The following AKAP9 variants were observed in gnomAD, a reference collection of about 807,000 sequenced individuals.
AKAP9 encodes A-kinase anchor protein 9.
In AKAP9, 311 loss-of-function variants were observed where a neutral mutation model predicts 488.5. The ratio of observed to expected loss-of-function variants is 0.64; its 90% CI spans 0.58 to 0.70. The LOEUF is 0.70. Among genes scored for constraint, AKAP9 ranks in the 30% least tolerant of loss-of-function variants. AKAP9 has a pLI of 0.00. For synonymous variants in AKAP9, 1,462 were observed against 1,483.5 expected, an observed-to-expected ratio of 0.99 and a Z score of 0.33; for missense variants, 4,215 against 4,374.5, an observed-to-expected ratio of 0.96 and a Z score of 1.03.
At chr7:92,103,592 G>A (rs1817991504) in intron 46 of AKAP9, among the ~76,000 whole-genome samples, 1 of 151,604 alleles carries the variant, frequency 6.6e-6, no homozygotes, top group African/African-American at 2.4e-5. Flanking sequence ...CTACTTGGGA[G>A]GCTGAGGCAG....
At position 92,079,948 on chromosome 7, in the gene AKAP9, C is replaced by G; in HGVS notation, c.7815C>G (p.Thr2605=). The G allele has an allele frequency of 1.3e-6, 2 of 1,598,828 alleles. No individual in the cohort carries two copies. The highest frequency in any genetic ancestry group is 1.7e-6 in the Non-Finnish European group (2 of 1,174,374). The change falls in exon 31 of 50, where the codon ACC becomes ACG. Residue 2605 remains threonine (T), a synonymous_variant. Coordinates refer to ENST00000356239, the MANE Select transcript of AKAP9 (RefSeq NM_005751.5). ...TGGGGTCAGATATATCAGCATTAAC[C>G]TTGAGAATATCAGAATTAGAAAGCC... ...DELGSDISAL[T]LRISELESQV...
intron 9 of AKAP9, among the ~76,000 whole-genome samples, chr7:92,013,281 G>A (rs532028565): frequency 2.6e-5 from 4 of 152,066 alleles, no homozygotes; most frequent in South Asian, 2.1e-4. Context: ...GTGAGCCACC[G>A]CGCCCGGCCG....
intron 1 of AKAP9, 72 bp downstream of exon 1, chr7:91,941,219 A>G: frequency 6.7e-7 from 1 of 1,485,366 alleles, no homozygotes; most frequent in Non-Finnish European, 9.4e-7. Flanking sequence ...GGGGCCTGGG[A>G]AGCGGAGTTC....
chr7:92,096,887 C>G lies in AKAP9; in HGVS notation c.9928C>G (p.Arg3310Gly), dbSNP rs779243745. 1.2e-6 allele frequency: 2 copies of G among 1,614,006 alleles called. No individual in the cohort carries two copies. Among genetic ancestry groups the G allele is most frequent in the Non-Finnish European group, 1.7e-6 (2 of 1,180,042 alleles). The change falls in exon 41 of 50, where the codon CGG (arginine) becomes GGG (glycine). Residue 3310 changes from arginine to glycine, a missense_variant. By Grantham distance (125) the Arg-to-Gly change is moderately radical. This residue lies in a region of AKAP9 where 1,476 missense variants were observed against 1,477.4 expected (regional missense o/e 1.00). Coordinates refer to ENST00000356239, the MANE Select transcript of AKAP9 (RefSeq NM_005751.5). ...TCTTGAATCTGAGAAAGTTCGAATTCGGGAAATGAGTAGTACCCTAGATAG... is the reference window on the plus strand; with the variant it reads ...TCTTGAATCTGAGAAAGTTCGAATTGGGGAAATGAGTAGTACCCTAGATAG... ...VLLESEKVRI[R>G]EMSSTLDRER... is the part of the protein sequence containing the mutation.
chr7:92,021,735 G>A (rs969827246), intron 12 of AKAP9, among the ~76,000 whole-genome samples: 6 of 152,048 alleles, frequency 3.9e-5, no homozygotes, highest in African/African-American at 9.7e-5. Context: ...CTTTTTAATA[G>A]TTAAGGAAAT....
At chr7:92,051,183 C>T (rs769969102) in intron 21 of AKAP9, among the ~76,000 whole-genome samples, 3 of 152,200 alleles carry the variant, frequency 2.0e-5, no homozygotes, top group Non-Finnish European at 4.4e-5. Context: ...CTCTCACCTA[C>T]CTCACCACTA....
At chr7:91,977,779 T>G (rs1795891962) in intron 2 of AKAP9, among the ~76,000 whole-genome samples, 1 of 152,218 alleles carries the variant, frequency 6.6e-6, no homozygotes, top group Non-Finnish European at 1.5e-5. Flanking sequence ...GTATATTATT[T>G]ATTTTTTAAT....
rs1424822602 is a variant in AKAP9, at chr7:92,095,024, T to C, written c.9580T>C (p.Leu3194=). ...AATTCATTTGTCTTTCTGACTTAGG[T>C]TGGAAGTTAAAGATAAGACAGATGA... ...KHLKELEAFR[L]EVKDKTDEVH... The change falls in exon 40 of 50, where the codon TTG becomes CTG. Residue 3194 remains leucine, a splice_region_variant and synonymous_variant. Coordinates refer to ENST00000356239, the MANE Select transcript of AKAP9 (RefSeq NM_005751.5). 1 of 1,613,754 alleles carries C rather than the reference T, an allele frequency of 6.2e-7. No individual in the cohort carries two copies. Among genetic ancestry groups the C allele is most frequent in the African/African-American group, 1.3e-5 (1 of 74,912 alleles).
intron 27 of AKAP9, 146 bp downstream of exon 27, chr7:92,070,352 T>C: frequency 1.1e-6 from 1 of 931,726 alleles, no homozygotes; most frequent in South Asian, 1.4e-5. Flanking sequence ...TTTCCAAATG[T>C]TGCTTGCATG....
At chr7:91,966,493 G>A (rs1164915579) in intron 1 of AKAP9, among the ~76,000 whole-genome samples, 1 of 152,172 alleles carries the variant, frequency 6.6e-6, no homozygotes, top group Non-Finnish European at 1.5e-5. Flanking sequence ...AATGTTCCAT[G>A]TGCTGAGGAA....
chr7:92,018,841 A>C (rs1300099296), intron 12 of AKAP9, among the ~76,000 whole-genome samples: 2 of 152,194 alleles, frequency 1.3e-5, no homozygotes, highest in African/African-American at 4.8e-5. Flanking sequence ...TGAGCTGCAG[A>C]GTCATATATC....
intron 2 of AKAP9, among the ~76,000 whole-genome samples, chr7:91,977,290 C>T (rs1302682062): frequency 2.0e-5 from 3 of 151,936 alleles, no homozygotes; most frequent in African/African-American, 2.4e-5. Context: ...GGCGCGGTGG[C>T]TCATGCCTGT....
At chr7:91,948,069 C>T (rs1160839583) in intron 1 of AKAP9, among the ~76,000 whole-genome samples, 1 of 152,184 alleles carries the variant, frequency 6.6e-6, no homozygotes, top group Non-Finnish European at 1.5e-5. Flanking sequence ...TGTCTGGCTT[C>T]TTTCACTTAG....
chr7:91,949,199 A>G (rs867307924), intron 1 of AKAP9, among the ~76,000 whole-genome samples: 1 of 152,098 alleles, frequency 6.6e-6, no homozygotes, highest in Middle Eastern at 3.2e-3. Flanking sequence ...GAGAGAGAGA[A>G]CGTGTGCACT....
rs373700817 is a variant in AKAP9 at position 91,956,379 on chromosome 7, AAC to A, written c.48+15234_48+15235del. Among the ~76,000 whole-genome samples, 1,016 of 145,436 alleles carry A rather than the reference AAC, an allele frequency of 7.0e-3. 14 individuals carry two copies. The highest frequency in any genetic ancestry group is 0.026 in the African/African-American group (982 of 38,052). On this transcript the variant is annotated intron_variant, in intron 1 of 49. Transcript: ENST00000356239. ...TGCACCACTGCACTCCAGCCTGGGC[AAC>A]AGAGTGAGACTCTGTCTCAAAAAAA...
chr7:91,943,399 C>T (rs1791042055), intron 1 of AKAP9, among the ~76,000 whole-genome samples: 1 of 152,138 alleles, frequency 6.6e-6, no homozygotes, highest in Non-Finnish European at 1.5e-5. Context: ...TAAACGTGTG[C>T]TTTCAGATTA....
chr7:91,989,543 A>C (rs1797515086), intron 3 of AKAP9, among the ~76,000 whole-genome samples: 1 of 152,106 alleles, frequency 6.6e-6, no homozygotes, highest in Admixed American at 6.5e-5. Context: ...CAAGACAAGT[A>C]GATAAATATA....
Position 92,102,166 on chromosome 7 carries a change from A to ATAAATAAAT in AKAP9, c.11098-428_11098-427insTAAATAAAT, listed in dbSNP as rs34819437. ...GTGAGACTCCGTCTCATAAATTTAAAAAAAAAATAAATAAATAAATAAATA... is the reference window on the plus strand; with the variant it reads ...GTGAGACTCCGTCTCATAAATTTAAATAAATAAATAAAAAAATAAATAAATAAATAAATA... On this transcript the variant is annotated intron_variant, in intron 45 of 49. Coordinates refer to ENST00000356239, the MANE Select transcript of AKAP9 (RefSeq NM_005751.5). 4.3e-5 allele frequency among the ~76,000 whole-genome samples: 5 copies of ATAAATAAAT among 116,806 alleles called. No individual in the cohort carries two copies. The South Asian group carries it at 1.2e-3, about 29-fold the overall frequency. 76.6% of individuals were successfully genotyped at this position (116,806 alleles called of 152,430 possible).
intron 3 of AKAP9, among the ~76,000 whole-genome samples, chr7:91,988,928 A>G (rs1797440018): frequency 6.6e-6 from 1 of 152,232 alleles, no homozygotes. Context: ...GGTGAAATAC[A>G]GTTATTTAAA....
Sources: allele counts gnomAD v4.1 joint callset (sites outside exome capture counted in the v4.1 genomes callset), GRCh38; gene constraint gnomAD v4.1.1; regional missense constraint gnomAD v4.1.1; transcripts MANE v1.5; gene names NCBI Gene and HGNC (gene_info 2026-07-23, HGNC 2026-07-21).